Variants in ADAMTS3 observed in about 807,000 individuals in gnomAD.
ADAMTS3 encodes the protein A disintegrin and metalloproteinase with thrombospondin motifs 3.
ADAMTS3 carries 73 observed loss-of-function variants against 129.0 expected under a neutral mutation model. That is an observed-to-expected ratio of 0.57 (90% CI 0.47 to 0.69). The LOEUF (loss-of-function observed/expected upper bound fraction) is 0.69, where lower values mean the gene tolerates loss of function less well. ADAMTS3 is among the 30% of genes least tolerant of loss of function. ADAMTS3 has a pLI of 0.00. For synonymous variants in ADAMTS3, 477 were observed against 510.8 expected (o/e 0.93, Z 0.89); for missense variants, 1,457 against 1,514.5 (o/e 0.96, Z 0.63).
At chr4:72,412,375 C>A (rs1013812261) in intron 4 of ADAMTS3, among the ~76,000 whole-genome samples, 3 of 151,720 alleles carry the variant, frequency 2.0e-5, no homozygotes, top group African/African-American at 7.2e-5. Flanking sequence ...TAATTTTTTT[C>A]AATTTTAAAT....
At chr4:72,414,369 T>G (rs1722253821) in intron 4 of ADAMTS3, among the ~76,000 whole-genome samples, 1 of 113,914 alleles carries the variant, frequency 8.8e-6, no homozygotes, top group East Asian at 2.3e-4. Flanking sequence ...GCCAAATAGA[T>G]TTTAAAGACA....
At chr4:72,525,782 C>T (rs1191562392) in intron 3 of ADAMTS3, among the ~76,000 whole-genome samples, 2 of 152,114 alleles carry the variant, frequency 1.3e-5, no homozygotes, top group African/African-American at 4.8e-5. Context: ...TATTGAATTA[C>T]TTAAGTGATT....
Position 72,486,428 on chromosome 4 carries a change from A to G in ADAMTS3, c.504+62050T>C, listed in dbSNP as rs116126184. 2.9e-3 allele frequency among the ~76,000 whole-genome samples: 443 copies of G among 152,316 alleles called. 2 individuals are homozygous for G. The highest frequency in any genetic ancestry group is 0.01 in the African/African-American group (422 of 41,566). ...GAGGCCTATCTGGCTCCTACTTAAA[A>G]AATAAAATTATTTGAATCATAGGTT... On this transcript the variant is annotated intron_variant, in intron 3 of 21. Transcript: ENST00000286657.
intron 1 of ADAMTS3, 44 bp downstream of exon 1, chr4:72,568,649 AG>A (rs1722083671): frequency 1.4e-6 from 2 of 1,427,630 alleles, no homozygotes; most frequent in Non-Finnish European, 1.9e-6. Context: ...TTTCGGGAAA[AG>A]GTTGGGTTTG....
intron 19 of ADAMTS3, among the ~76,000 whole-genome samples, chr4:72,291,868 C>A (rs188902067): frequency 6.6e-6 from 1 of 152,170 alleles, no homozygotes; most frequent in South Asian, 2.1e-4. Flanking sequence ...GTCCCACCAA[C>A]GGTGTAAAAG....
intron 4 of ADAMTS3, among the ~76,000 whole-genome samples, chr4:72,412,999 C>A (rs1164308114): frequency 6.6e-6 from 1 of 151,992 alleles, no homozygotes; most frequent in Non-Finnish European, 1.5e-5. Context: ...TTTGTATATA[C>A]ATACGCTGTT....
At chr4:72,499,465 G>A (rs375786768) in intron 3 of ADAMTS3, among the ~76,000 whole-genome samples, 4 of 152,130 alleles carry the variant, frequency 2.6e-5, no homozygotes, top group South Asian at 2.1e-4. Context: ...AAAATGATGC[G>A]AGAACATACC....
chr4:72,287,353 G>A (rs1718532860), intron 21 of ADAMTS3, among the ~76,000 whole-genome samples: 1 of 151,754 alleles, frequency 6.6e-6, no homozygotes, highest in Non-Finnish European at 1.5e-5. Context: ...GGGAGAGAGA[G>A]AGAGGTGGAA....
At chr4:72,383,416 A>C (rs975219705) in intron 4 of ADAMTS3, among the ~76,000 whole-genome samples, 1 of 152,286 alleles carries the variant, frequency 6.6e-6, no homozygotes, top group Non-Finnish European at 1.5e-5. Context: ...ATGAATGAGA[A>C]CCAGGATTTT....
intron 4 of ADAMTS3, among the ~76,000 whole-genome samples, chr4:72,361,156 A>T (rs572398410): frequency 6.6e-6 from 1 of 152,230 alleles, no homozygotes; most frequent in Non-Finnish European, 1.5e-5. Context: ...TTATGTTTCC[A>T]GGTAAGCTAT....
chr4:72,541,082 T>G lies in ADAMTS3; in HGVS notation c.504+7396A>C, dbSNP rs113131629. 6.3e-3 allele frequency among the ~76,000 whole-genome samples: 961 copies of G among 152,156 alleles called. 19 individuals are homozygous for G. Among genetic ancestry groups the G allele is most frequent in the African/African-American group, 0.022 (914 of 41,520 alleles). ...CTGGAAAAGCTGCAGACACTCAACA[T>G]CAGCCCATGATAGCAGCTAGGAGGA... On this transcript the variant is annotated intron_variant, in intron 3 of 21. Coordinates refer to ENST00000286657, the MANE Select transcript of ADAMTS3 (RefSeq NM_014243.3).
intron 4 of ADAMTS3, among the ~76,000 whole-genome samples, chr4:72,389,757 G>A (rs759432808): frequency 6.6e-6 from 1 of 152,150 alleles, no homozygotes; most frequent in African/African-American, 2.4e-5. Flanking sequence ...TACCATAACA[G>A]AGGAAATCTG....
At chr4:72,308,548 A>C (rs976405422) in intron 15 of ADAMTS3, among the ~76,000 whole-genome samples, 3 of 151,986 alleles carry the variant, frequency 2.0e-5, no homozygotes, top group Non-Finnish European at 4.4e-5. Context: ...CTTCTTGAGC[A>C]AACACCACAT....
intron 3 of ADAMTS3, among the ~76,000 whole-genome samples, chr4:72,541,826 A>T (rs1387798782): frequency 6.6e-6 from 1 of 152,148 alleles, no homozygotes; most frequent in Non-Finnish European, 1.5e-5. Flanking sequence ...CTGTGAGTCC[A>T]TTAGTTTTCT....
intron 3 of ADAMTS3, among the ~76,000 whole-genome samples, chr4:72,470,557 T>C (rs2109993429): frequency 1.3e-5 from 2 of 151,890 alleles, no homozygotes; most frequent in Middle Eastern, 6.9e-3. Context: ...ATAGTAATAG[T>C]TCTCGAAATT....
intron 4 of ADAMTS3, among the ~76,000 whole-genome samples, chr4:72,367,626 G>A (rs552317452): frequency 6.6e-6 from 1 of 152,164 alleles, no homozygotes; most frequent in East Asian, 1.9e-4. Context: ...CGAGGCAGGC[G>A]GATCCCAAGG....
chr4:72,359,054 G>A (rs1720654228), intron 4 of ADAMTS3, among the ~76,000 whole-genome samples: 1 of 151,794 alleles, frequency 6.6e-6, no homozygotes. Flanking sequence ...AGACTAGAGA[G>A]GAATAAACGA....
At chr4:72,316,172 A>G (rs1719390624) in intron 10 of ADAMTS3, among the ~76,000 whole-genome samples, 1 of 152,316 alleles carries the variant, frequency 6.6e-6, no homozygotes, top group East Asian at 1.9e-4. Context: ...TAAAATAACA[A>G]TGATAAACAA....
At chr4:72,422,434 T>G (rs1722470347) in intron 3 of ADAMTS3, among the ~76,000 whole-genome samples, 1 of 152,086 alleles carries the variant, frequency 6.6e-6, no homozygotes, top group South Asian at 2.1e-4. Context: ...TAACACTAAT[T>G]TTTTTTAAAT....
Sources: allele counts gnomAD v4.1 joint callset (sites outside exome capture counted in the v4.1 genomes callset), GRCh38; gene constraint gnomAD v4.1.1; transcripts MANE v1.5; gene names NCBI Gene and HGNC (gene_info 2026-07-23, HGNC 2026-07-21).